The following LDB2 variants were observed in gnomAD, a reference collection of about 807,000 sequenced individuals.
The protein encoded by LDB2 is LIM domain binding 2, also known as LIM domain-binding protein 2.
A neutral mutation model predicts 44.3 loss-of-function variants in LDB2; 12 were observed. The observed-to-expected ratio is 0.27, with a 90% CI of 0.17 to 0.44. LDB2 has a LOEUF of 0.44. Ranked by LOEUF, LDB2 falls within the 20% of genes least tolerant of loss-of-function variation. LDB2 has a pLI of 1.00. For synonymous variants in LDB2, 164 were observed against 174.8 expected (o/e 0.94, Z 0.49); for missense variants, 344 against 473.5 (o/e 0.73, Z 2.54).
chr4:16,732,495 A>G (rs1760969332), intron 2 of LDB2, among the ~76,000 whole-genome samples: 1 of 152,218 alleles, frequency 6.6e-6, no homozygotes, highest in Non-Finnish European at 1.5e-5. Flanking sequence ...ACAGTGGCTC[A>G]GTCTACTGTT....
chr4:16,852,436 T>C (rs930352844), intron 1 of LDB2, among the ~76,000 whole-genome samples: 1 of 152,160 alleles, frequency 6.6e-6, no homozygotes, highest in Non-Finnish European at 1.5e-5. Context: ...ACACATGGGA[T>C]GAACTAGGAG....
chr4:16,508,617 C>G lies in LDB2; in HGVS notation c.809G>C (p.Ser270Thr). 6.2e-7 allele frequency: 1 copy of G among 1,613,808 alleles called. No homozygotes were observed. Among genetic ancestry groups the G allele is most frequent in the Non-Finnish European group, 8.5e-7 (1 of 1,179,852 alleles). The part of the protein sequence containing the change: ...RKNSTSSTSN[S>T]SAGNNANSTG... ...GCTGTTTGCATTGTTCCCAGCGCTG[C>G]TGTTGGAAGTGCTGCTGGTGGAATT... Residue 270 changes from serine (S) to threonine (T), a missense_variant, in exon 7 of 8, where the codon AGC becomes ACC. Physicochemically the swap from Ser to Thr is moderately conservative, Grantham distance 58. This residue lies in a region of LDB2 where 86 missense variants were observed against 171.2 expected (regional missense o/e 0.50). Transcript: ENST00000304523.
intron 1 of LDB2, among the ~76,000 whole-genome samples, chr4:16,889,008 A>G (rs1253146408): frequency 6.6e-6 from 1 of 152,068 alleles, no homozygotes; most frequent in African/African-American, 2.4e-5. Flanking sequence ...AAATGTTCAT[A>G]TTCCCTAACC....
intron 1 of LDB2, among the ~76,000 whole-genome samples, chr4:16,883,050 T>C (rs1230218909): frequency 6.6e-6 from 1 of 152,240 alleles, no homozygotes; most frequent in African/African-American, 2.4e-5. Context: ...CCTTCCTTTA[T>C]GTGCGGGTTT....
At chr4:16,737,701 A>C (rs1029355880) in intron 2 of LDB2, among the ~76,000 whole-genome samples, 6 of 152,216 alleles carry the variant, frequency 3.9e-5, no homozygotes, top group African/African-American at 1.4e-4. Flanking sequence ...GTGCATACAG[A>C]ATGTTTCTGA....
At chr4:16,544,826 CAGG>C (rs1055759629) in intron 5 of LDB2, among the ~76,000 whole-genome samples, 15 of 152,144 alleles carry the variant, frequency 9.9e-5, no homozygotes, top group Non-Finnish European at 2.1e-4. Context: ...CTTGACTTTA[CAGG>C]AGAAGTGGAG....
intron 2 of LDB2, among the ~76,000 whole-genome samples, chr4:16,653,327 C>T (rs1417533919): frequency 6.6e-6 from 1 of 152,164 alleles, no homozygotes; most frequent in Admixed American, 6.5e-5. Flanking sequence ...GGGTGGACAG[C>T]AGGTGAACTG....
intron 1 of LDB2, among the ~76,000 whole-genome samples, chr4:16,791,687 G>T (rs1332041071): frequency 6.6e-6 from 1 of 151,014 alleles, no homozygotes; most frequent in Non-Finnish European, 1.5e-5. Context: ...ATTTAATTTT[G>T]AAAGATAGCT....
At chr4:16,645,822 G>A (rs1736645878) in intron 2 of LDB2, among the ~76,000 whole-genome samples, 3 of 152,114 alleles carry the variant, frequency 2.0e-5, no homozygotes. Context: ...ATCTTTCTAA[G>A]TCTCAATGTT....
At chr4:16,730,340 T>C (rs1341894827) in intron 2 of LDB2, among the ~76,000 whole-genome samples, 1 of 152,156 alleles carries the variant, frequency 6.6e-6, no homozygotes, top group East Asian at 1.9e-4. Flanking sequence ...CTTTGTATTG[T>C]CTGGTCTTTG....
At chr4:16,701,775 C>G (rs1487610890) in intron 2 of LDB2, among the ~76,000 whole-genome samples, 1 of 152,166 alleles carries the variant, frequency 6.6e-6, no homozygotes, top group Non-Finnish European at 1.5e-5. Flanking sequence ...ATATTGTTCA[C>G]ATTACTTAAA....
intron 1 of LDB2, among the ~76,000 whole-genome samples, chr4:16,875,088 G>C (rs1717954700): frequency 6.6e-6 from 1 of 152,128 alleles, no homozygotes; most frequent in East Asian, 1.9e-4. Context: ...GAAAATCAGG[G>C]AATCAAAAAC....
intron 1 of LDB2, among the ~76,000 whole-genome samples, chr4:16,808,571 T>C (rs1358478629): frequency 6.6e-6 from 1 of 152,218 alleles, no homozygotes; most frequent in East Asian, 1.9e-4. Context: ...CTGCTGCTAA[T>C]GGAAGATTCA....
rs146225437 is a variant in LDB2, at chr4:16,727,483, C to A, written c.235+31675G>T. Among the ~76,000 whole-genome samples the A allele has an allele frequency of 1.4e-4, 21 of 152,004 alleles. No homozygotes were observed. In the East Asian group the frequency reaches 3.9e-3, roughly 28 times the overall value. ...GCATCTCTGAACCCCGCTCCAGGAA[C>A]TGGGAAGACTCGAGCATGGGGAATG... On this transcript the variant is annotated intron_variant, in intron 2 of 7. Coordinates refer to ENST00000304523, the MANE Select transcript of LDB2 (RefSeq NM_001290.5).
intron 3 of LDB2, among the ~76,000 whole-genome samples, chr4:16,592,045 T>C (rs533654777): frequency 2.0e-5 from 3 of 152,162 alleles, no homozygotes; most frequent in Non-Finnish European, 2.9e-5. Flanking sequence ...AGAAAAGATG[T>C]AATCCCAGCA....
intron 2 of LDB2, among the ~76,000 whole-genome samples, chr4:16,621,666 T>C (rs990083912): frequency 5.3e-5 from 8 of 152,122 alleles, no homozygotes; most frequent in Non-Finnish European, 1.0e-4. Context: ...AATCCTCCCA[T>C]CTCAGCTTCC....
chr4:16,592,493 T>TACAC (rs1719423882), intron 3 of LDB2, among the ~76,000 whole-genome samples: 2 of 102,144 alleles, frequency 2.0e-5, no homozygotes, highest in Non-Finnish European at 4.2e-5. Context: ...TATATATATA[T>TACAC]ATATATATAT....
At chr4:16,550,354 C>A (rs1214114244) in intron 5 of LDB2, among the ~76,000 whole-genome samples, 2 of 152,162 alleles carry the variant, frequency 1.3e-5, no homozygotes, top group African/African-American at 4.8e-5. Flanking sequence ...TCTCAAGACC[C>A]TGGGTTCCTG....
At chr4:16,514,274 G>T (rs1722844931) in intron 5 of LDB2, among the ~76,000 whole-genome samples, 1 of 152,128 alleles carries the variant, frequency 6.6e-6, no homozygotes, top group African/African-American at 2.4e-5. Flanking sequence ...TTGTTAACTT[G>T]TCTTTTGTTA....
Sources: allele counts gnomAD v4.1 joint callset (sites outside exome capture counted in the v4.1 genomes callset), GRCh38; gene constraint gnomAD v4.1.1; regional missense constraint gnomAD v4.1.1; transcripts MANE v1.5; gene names NCBI Gene and HGNC (gene_info 2026-07-23, HGNC 2026-07-21).